LRP1B: variants seen among roughly 807,000 people sequenced by gnomAD.
LRP1B encodes the protein low-density lipoprotein receptor-related protein 1B.
Under a neutral mutation model 556.6 loss-of-function variants are expected in LRP1B, and 217 were observed. The observed-to-expected ratio is 0.39, with a 90% CI of 0.35 to 0.44. The LOEUF is 0.44. LRP1B is among the 20% of genes least tolerant of loss of function. The probability of loss-of-function intolerance (pLI) is 1.00; values close to 1 mark genes in which losing one functional copy is unlikely to be tolerated. For synonymous variants in LRP1B, 2,047 were observed against 1,865.8 expected, an observed-to-expected ratio of 1.10 and a Z score of -2.50; for missense variants, 5,053 against 5,620.8, an observed-to-expected ratio of 0.90 and a Z score of 3.23.
In LRP1B at chr2:142,089,999, G is replaced by A. The variant is rs535962405; in HGVS notation, c.82+40649C>T. The stretch of plus-strand genomic sequence containing the variant: ...TATCCAAAAATGTTTATTTTGAGTT[G>A]CTGTCAGAAAAAAAGTAAAGTGTCA... On this transcript the variant is annotated intron_variant, in intron 1 of 90. Transcript: ENST00000389484. 7.9e-5 allele frequency among the ~76,000 whole-genome samples: 12 copies of A among 151,984 alleles called. No homozygotes were observed. In the South Asian group the frequency reaches 2.5e-3, roughly 31 times the overall value.
intron 32 of LRP1B, among the ~76,000 whole-genome samples, chr2:140,793,729 G>T (rs1036613870): frequency 1.2e-3 from 180 of 151,838 alleles, no homozygotes; most frequent in African/African-American, 4.2e-3. Context: ...ATGGGAAAAA[G>T]TTGCCTATTT....
At chr2:141,535,121 C>A (rs1231642015) in intron 2 of LRP1B, among the ~76,000 whole-genome samples, 3 of 152,098 alleles carry the variant, frequency 2.0e-5, no homozygotes, top group African/African-American at 7.2e-5. Context: ...AATTATCTGA[C>A]TGCTCTATTT....
chr2:141,210,626 TATC>T (rs1682501497), intron 6 of LRP1B, among the ~76,000 whole-genome samples: 1 of 152,192 alleles, frequency 6.6e-6, no homozygotes, highest in African/African-American at 2.4e-5. Flanking sequence ...ACAGTGATGG[TATC>T]ATCAAGAAAT....
chr2:140,719,001 T>C (rs1687307203), intron 35 of LRP1B, among the ~76,000 whole-genome samples: 1 of 152,126 alleles, frequency 6.6e-6, no homozygotes, highest in African/African-American at 2.4e-5. Context: ...CAAAATGTAT[T>C]TTCCTCCGTA....
In LRP1B at chr2:142,034,739, A is replaced by G. The variant is rs138487885; in HGVS notation, c.82+95909T>C. ...TTTACATTCAGAAAGCTAAGAAACC[A>G]TAAGTGAACATATCACATTAATCAT... is the stretch of plus-strand genomic sequence containing the variant. On this transcript the variant is annotated intron_variant, in intron 1 of 90. Coordinates refer to ENST00000389484, the MANE Select transcript of LRP1B (RefSeq NM_018557.3). Among the ~76,000 whole-genome samples, 258 of 151,956 alleles carry G rather than the reference A, an allele frequency of 1.7e-3. 2 individuals are homozygous for G. Among genetic ancestry groups the G allele is most frequent in the African/African-American group, 5.9e-3 (247 of 41,522 alleles).
At chr2:140,476,794 G>C (rs1055105206) in intron 59 of LRP1B, among the ~76,000 whole-genome samples, 3 of 151,950 alleles carry the variant, frequency 2.0e-5, no homozygotes, top group Non-Finnish European at 4.4e-5. Flanking sequence ...GATTCAAAGA[G>C]CTCTGAAAGT....
chr2:141,626,231 A>T (rs925946707), intron 2 of LRP1B, among the ~76,000 whole-genome samples: 3 of 152,218 alleles, frequency 2.0e-5, no homozygotes, highest in Admixed American at 1.3e-4. Flanking sequence ...TTTTTCAACA[A>T]CTGATGCTGG....
chr2:140,689,940 CT>C (rs1391020008), intron 41 of LRP1B, among the ~76,000 whole-genome samples: 1 of 152,130 alleles, frequency 6.6e-6, no homozygotes, highest in East Asian at 1.9e-4. Flanking sequence ...ATGCAGAAAA[CT>C]TTTCAGCTTT....
intron 41 of LRP1B, among the ~76,000 whole-genome samples, chr2:140,643,574 C>G (rs1281928313): frequency 6.6e-6 from 1 of 152,108 alleles, no homozygotes; most frequent in East Asian, 1.9e-4. Flanking sequence ...AATATAATGG[C>G]AAGCTGATGT....
intron 41 of LRP1B, among the ~76,000 whole-genome samples, chr2:140,609,173 T>C (rs1399857897): frequency 6.6e-6 from 1 of 152,156 alleles, no homozygotes; most frequent in East Asian, 1.9e-4. Context: ...TATGCTGTAA[T>C]TCGCCATCCA....
chr2:140,725,498 A>T (rs1228760129), intron 35 of LRP1B, among the ~76,000 whole-genome samples: 1 of 131,278 alleles, frequency 7.6e-6, no homozygotes, highest in African/African-American at 2.9e-5. Flanking sequence ...TTATTTCAAA[A>T]GGTGTTCTTG....
chr2:140,578,254 CACTT>C (rs1681612904), intron 43 of LRP1B, among the ~76,000 whole-genome samples: 1 of 122,760 alleles, frequency 8.1e-6, no homozygotes, highest in Non-Finnish European at 1.9e-5. Context: ...AAAGCTAAAA[CACTT>C]ACAGTTTTTT....
At chr2:140,595,735 T>C (rs1682416247) in intron 43 of LRP1B, among the ~76,000 whole-genome samples, 1 of 152,090 alleles carries the variant, frequency 6.6e-6, no homozygotes, top group Non-Finnish European at 1.5e-5. Context: ...AAACAAAACA[T>C]GCACATGTAC....
chr2:140,879,681 C>T (rs553551770), intron 25 of LRP1B, among the ~76,000 whole-genome samples: 2 of 151,832 alleles, frequency 1.3e-5, no homozygotes, highest in African/African-American at 4.8e-5. Flanking sequence ...GGTTAAAATG[C>T]ATTAGCATTT....
chr2:142,008,338 G>T (rs1227501879), intron 1 of LRP1B, among the ~76,000 whole-genome samples: 1 of 152,152 alleles, frequency 6.6e-6, no homozygotes, highest in Non-Finnish European at 1.5e-5. Context: ...CCCTAGTGAT[G>T]CAGTCAGTCA....
intron 79 of LRP1B, 28 bp from the exon 80 acceptor site, chr2:140,325,906 T>A (rs768578890): frequency 7.7e-7 from 1 of 1,304,696 alleles, no homozygotes; most frequent in South Asian, 1.2e-5. Flanking sequence ...ACAAGACAAA[T>A]AGTGCAAGTA....
chr2:141,884,905 C>T (rs551038106), intron 1 of LRP1B, among the ~76,000 whole-genome samples: 202 of 152,186 alleles, frequency 1.3e-3, no homozygotes, highest in African/African-American at 4.4e-3. Flanking sequence ...CATCAGAAAA[C>T]AAAATTTACC....
chr2:140,803,273 T>G lies in LRP1B; in HGVS notation c.5359+10384A>C, dbSNP rs1393880952. On this transcript the variant is annotated intron_variant, in intron 32 of 90. Transcript: ENST00000389484. ...GTCCTATTGAAAGTTTTTTTTTTTT[T>G]TTTTTTTTTTTTTTTTTCCGAGATG... Among the ~76,000 whole-genome samples, 8 of 132,938 alleles carry G rather than the reference T, an allele frequency of 6.0e-5. No homozygotes were observed. The East Asian group carries it at 1.6e-3, about 27-fold the overall frequency. The allele number at this position is 132,938 out of a possible 152,430, so 87.2% of individuals were successfully genotyped here.
chr2:141,713,817 G>T (rs1264813400), intron 2 of LRP1B, among the ~76,000 whole-genome samples: 1 of 152,074 alleles, frequency 6.6e-6, no homozygotes, highest in Non-Finnish European at 1.5e-5. Flanking sequence ...TCAAGTATTT[G>T]TTTCATTCCC....
Sources: gnomAD v4.1 joint callset for allele counts (sites outside exome capture counted in the v4.1 genomes callset) on GRCh38, gnomAD v4.1.1 for gene constraint, MANE v1.5 for transcripts, NCBI Gene and HGNC (gene_info 2026-07-23, HGNC 2026-07-21) for gene names.